The following NADSYN1 variants were observed in gnomAD, a reference collection of about 807,000 sequenced individuals.
NADSYN1 encodes glutamine-dependent NAD(+) synthetase.
A neutral mutation model predicts 99.3 loss-of-function variants in NADSYN1; 80 were observed. The observed-to-expected ratio is 0.81, with a 90% CI of 0.67 to 0.97. The LOEUF (loss-of-function observed/expected upper bound fraction) is 0.97. NADSYN1 is among the 50% of genes least tolerant of loss of function. The probability of loss-of-function intolerance (pLI) is 0.00; values close to 1 mark genes in which losing one functional copy is unlikely to be tolerated. For synonymous variants in NADSYN1, 385 were observed against 372.1 expected, an observed-to-expected ratio of 1.03 and a Z score of -0.40; for missense variants, 859 against 948.5, an observed-to-expected ratio of 0.91 and a Z score of 1.24.
chr11:71,477,025 A>G (rs1949672071), intron 9 of NADSYN1: 2 of 1,057,328 alleles, frequency 1.9e-6, no homozygotes, highest in African/African-American at 1.7e-5. Context: ...ACTGCCCTCC[A>G]CCAGGTCCTC....
chr11:71,476,381 A>T, intron 9 of NADSYN1: 1 of 337,210 alleles, frequency 3.0e-6, no homozygotes, highest in Non-Finnish European at 5.8e-6. Context: ...CTGTCTGAGC[A>T]GTTCATTGCT....
intron 13 of NADSYN1, among the ~76,000 whole-genome samples, chr11:71,482,436 C>G (rs960556833): frequency 6.6e-6 from 1 of 151,714 alleles, no homozygotes; most frequent in Non-Finnish European, 1.5e-5. Flanking sequence ...GCTGCACAGG[C>G]ACCTGGGGGT....
rs1041356420 is a variant in NADSYN1 at position 71,484,624 on chromosome 11, C to A, written c.1455+177C>A. 4 of 892,326 alleles carry A rather than the reference C, an allele frequency of 4.5e-6. No homozygotes were observed. The African/African-American group carries it at 6.7e-5, about 15-fold the overall frequency. 55.3% of individuals were successfully genotyped at this position (892,326 alleles called of 1,614,324 possible). On this transcript the variant is annotated intron_variant, in intron 15 of 20. Transcript: ENST00000319023. ...AGCCTGTATGCCTCACTGAAGACGT[C>A]GGTCATGCAGCCTTGTTAACAAGGA...
At chr11:71,464,449 G>A (rs1357450730) in intron 5 of NADSYN1, 2 of 270,280 alleles carry the variant, frequency 7.4e-6, no homozygotes, top group East Asian at 7.7e-5. Flanking sequence ...CTTGGTGTGA[G>A]CCCCATGTAA....
At position 71,482,006 on chromosome 11, in the gene NADSYN1, C is replaced by T. The variant is rs529440311; in HGVS notation, c.1131C>T (p.Cys377=). The T allele has an allele frequency of 1.6e-5, 26 of 1,611,622 alleles. No homozygotes were observed. The highest frequency in any genetic ancestry group is 6.6e-5 in the South Asian group (6 of 90,552). Residue 377 remains cysteine, a synonymous_variant, in exon 13 of 21, where the codon TGC becomes TGT. Transcript: ENST00000319023. ...CLIYSMCCQV[C]EAVRSGNEEV... The stretch of plus-strand genomic sequence containing the variant: ...TCTACTCCATGTGCTGCCAGGTCTG[C>T]GAGGCCGTGAGGAGTGGAAGTAGGT...
chr11:71,457,166 G>A (rs981597501), intron 2 of NADSYN1, among the ~76,000 whole-genome samples: 5 of 152,248 alleles, frequency 3.3e-5, no homozygotes, highest in African/African-American at 4.8e-5. Context: ...GGGCCAGGAC[G>A]CCAACAGGGC....
intron 7 of NADSYN1, 44 bp from the exon 8 acceptor site, chr11:71,473,525 G>T (rs1949643181): frequency 6.4e-7 from 1 of 1,573,112 alleles, no homozygotes; most frequent in Non-Finnish European, 8.7e-7. Context: ...GGCTGGTTTG[G>T]AGGAGTCTGG....
chr11:71,491,119 C>T, intron 17 of NADSYN1, 143 bp downstream of exon 17: 1 of 1,150,842 alleles, frequency 8.7e-7, no homozygotes, highest in Non-Finnish European at 1.2e-6. Context: ...CACTTGAGGC[C>T]TGCAACCAAG....
At chr11:71,474,841 C>T (rs113553866) in intron 9 of NADSYN1, 105 of 382,114 alleles carry the variant, frequency 2.7e-4, no homozygotes, top group African/African-American at 1.8e-3. Flanking sequence ...GGGGACCTCC[C>T]GCCCTCGGGT....
intron 9 of NADSYN1, among the ~76,000 whole-genome samples, 189 bp from the exon 10 acceptor site, chr11:71,478,206 T>C (rs1294368812): frequency 6.6e-6 from 1 of 152,104 alleles, no homozygotes; most frequent in Non-Finnish European, 1.5e-5. Flanking sequence ...GAGGTTCCGG[T>C]GGCAACAGTG....
At chr11:71,478,601 C>G (rs113830768) in intron 10 of NADSYN1, 132 bp downstream of exon 10, 17 of 803,016 alleles carry the variant, frequency 2.1e-5, no homozygotes, top group African/African-American at 1.2e-4. Flanking sequence ...CCGGACTTCC[C>G]GAGCGTGGAA....
At chr11:71,486,796 CTTTTTTTTTTT>C (rs57662255) in intron 16 of NADSYN1, among the ~76,000 whole-genome samples, 1 of 60,996 alleles carries the variant, frequency 1.6e-5, no homozygotes, top group South Asian at 1.0e-3. Context: ...GCGTGAGTGT[CTTTTTTTTTTT>C]TTTTTTTTTT....
chr11:71,456,609 T>C (rs1325375039), intron 2 of NADSYN1, among the ~76,000 whole-genome samples: 1 of 152,220 alleles, frequency 6.6e-6, no homozygotes, highest in Non-Finnish European at 1.5e-5. Context: ...CTTCTTTTCT[T>C]TCTTCGTCCT....
intron 18 of NADSYN1, 55 bp downstream of exon 18, chr11:71,491,958 T>G: frequency 6.6e-7 from 1 of 1,508,628 alleles, no homozygotes; most frequent in Non-Finnish European, 9.1e-7. Context: ...ACCTCCTGTG[T>G]GGTGGTGCTG....
chr11:71,485,606 A>G lies in NADSYN1; in HGVS notation c.1520A>G (p.His507Arg). The change falls in exon 16 of 21, where the codon CAC becomes CGC. Residue 507 changes from histidine to arginine, a missense_variant. His to Arg is a conservative substitution (Grantham distance 29, BLOSUM62 0). Coordinates refer to ENST00000319023, the MANE Select transcript of NADSYN1 (RefSeq NM_018161.5). ...TTGAGCCTCTGGTCTCGGGGTGTCCACGGTGGGCTCCTCGTGCTGGGATCC... is the reference window on the plus strand; with the variant it reads ...TTGAGCCTCTGGTCTCGGGGTGTCCGCGGTGGGCTCCTCGTGCTGGGATCC... ...AQLSLWSRGV[H>R]GGLLVLGSAN... 3.8e-6 allele frequency: 6 copies of G among 1,561,378 alleles called. No homozygotes were observed. The highest frequency in any genetic ancestry group is 3.5e-6 in the Non-Finnish European group (4 of 1,151,824).
intron 18 of NADSYN1, 63 bp from the exon 19 acceptor site, chr11:71,497,420 G>T: frequency 6.2e-7 from 1 of 1,608,456 alleles, no homozygotes; most frequent in Non-Finnish European, 8.5e-7. Context: ...TCCAAAAGAA[G>T]CTTTAGGCTC....
intron 9 of NADSYN1, chr11:71,477,218 T>A: frequency 4.2e-6 from 5 of 1,190,142 alleles, no homozygotes; most frequent in Non-Finnish European, 4.3e-6. Context: ...CAGGCCGCCG[T>A]GCGGCAGGCT....
chr11:71,482,630 T>G, intron 13 of NADSYN1: 1 of 405,886 alleles, frequency 2.5e-6, no homozygotes, highest in Non-Finnish European at 4.3e-6. Flanking sequence ...CCTGGGGGTG[T>G]AGACCGGGGT....
At chr11:71,500,655 T>A (rs1449749828) in intron 20 of NADSYN1, among the ~76,000 whole-genome samples, 1 of 152,170 alleles carries the variant, frequency 6.6e-6, no homozygotes, top group Non-Finnish European at 1.5e-5. Flanking sequence ...TCTGGCTGAT[T>A]TCCGTGGAAA....
Sources: allele counts gnomAD v4.1 joint callset (sites outside exome capture counted in the v4.1 genomes callset), GRCh38; gene constraint gnomAD v4.1.1; transcripts MANE v1.5; gene names NCBI Gene and HGNC (gene_info 2026-07-23, HGNC 2026-07-21).